Variants in ERBB4 observed in about 807,000 individuals in gnomAD.
ERBB4 encodes erb-b2 receptor tyrosine kinase 4.
Under a neutral mutation model 158.0 loss-of-function variants are expected in ERBB4, and 42 were observed. The observed-to-expected ratio is 0.27, with a 90% CI of 0.21 to 0.34. The LOEUF (loss-of-function observed/expected upper bound fraction) is 0.34, where lower values mean the gene tolerates loss of function less well. Ranked by LOEUF, ERBB4 falls within the 10% of genes least tolerant of loss-of-function variation. The pLI, the probability that ERBB4 is intolerant of heterozygous loss-of-function variation, is 1.00. For synonymous variants in ERBB4, 583 were observed against 558.7 expected (o/e 1.04, Z -0.61); for missense variants, 1,333 against 1,624.1 (o/e 0.82, Z 3.08).
At chr2:211,679,844 T>A (rs1375468999) in intron 12 of ERBB4, among the ~76,000 whole-genome samples, 1 of 152,120 alleles carries the variant, frequency 6.6e-6, no homozygotes, top group Non-Finnish European at 1.5e-5. Flanking sequence ...CACGCCCAGA[T>A]AATTTTTGTA....
intron 20 of ERBB4, among the ~76,000 whole-genome samples, chr2:211,442,618 ATG>A (rs1215031808): frequency 6.7e-6 from 1 of 148,262 alleles, no homozygotes; most frequent in Non-Finnish European, 1.5e-5. Flanking sequence ...CAAAATATAT[ATG>A]TGTGTATACA....
chr2:211,605,680 T>C (rs2068955617), intron 19 of ERBB4, among the ~76,000 whole-genome samples: 2 of 152,132 alleles, frequency 1.3e-5, no homozygotes, highest in South Asian at 2.1e-4. Flanking sequence ...ACAGATAATA[T>C]GTATTTTCAT....
intron 19 of ERBB4, among the ~76,000 whole-genome samples, chr2:211,589,524 A>G (rs1344983679): frequency 1.3e-5 from 2 of 152,192 alleles, no homozygotes; most frequent in Non-Finnish European, 2.9e-5. Context: ...CTTAGCCATC[A>G]GTCTCTTCTT....
intron 1 of ERBB4, among the ~76,000 whole-genome samples, chr2:212,166,752 C>G (rs1026948421): frequency 1.3e-5 from 2 of 151,940 alleles, no homozygotes; most frequent in Non-Finnish European, 2.9e-5. Flanking sequence ...ACATATAGAC[C>G]AATGGAGCAG....
chr2:211,442,874 A>G (rs1451300540), intron 20 of ERBB4, among the ~76,000 whole-genome samples: 2 of 152,046 alleles, frequency 1.3e-5, no homozygotes, highest in Non-Finnish European at 2.9e-5. Flanking sequence ...AGTCCGAAAA[A>G]TAAAGATTTT....
intron 25 of ERBB4, among the ~76,000 whole-genome samples, chr2:211,401,567 AAGAG>A (rs1195264348): frequency 6.6e-5 from 10 of 152,072 alleles, no homozygotes. Flanking sequence ...TTGACACACT[AAGAG>A]AGGCATGTAG....
intron 4 of ERBB4, among the ~76,000 whole-genome samples, chr2:211,775,495 T>C (rs145032265): frequency 5.3e-5 from 8 of 152,330 alleles, no homozygotes; most frequent in African/African-American, 1.4e-4. Flanking sequence ...ATAACATTTT[T>C]AGCAAGGTTT....
chr2:211,561,536 T>C (rs952022516), intron 20 of ERBB4, among the ~76,000 whole-genome samples: 2 of 152,230 alleles, frequency 1.3e-5, no homozygotes, highest in African/African-American at 4.8e-5. Context: ...AAAAATCATC[T>C]AAACATGAAC....
intron 3 of ERBB4, among the ~76,000 whole-genome samples, chr2:211,912,026 G>C (rs1022165770): frequency 6.6e-5 from 10 of 152,084 alleles, no homozygotes; most frequent in Non-Finnish European, 1.3e-4. Flanking sequence ...TTTTTCTAAA[G>C]AGGTTTTTGG....
intron 3 of ERBB4, among the ~76,000 whole-genome samples, chr2:211,941,073 C>A (rs1317401208): frequency 6.6e-6 from 1 of 152,064 alleles, no homozygotes; most frequent in African/African-American, 2.4e-5. Flanking sequence ...GCAAACAATA[C>A]TCTTTAAAAC....
chr2:211,602,180 G>A (rs1043341160), intron 19 of ERBB4, among the ~76,000 whole-genome samples: 2 of 152,020 alleles, frequency 1.3e-5, no homozygotes, highest in Admixed American at 1.3e-4. Flanking sequence ...CTAGTCACAG[G>A]CCCAGGACCT....
At chr2:212,537,005 G>C (rs1693110748) in intron 1 of ERBB4, among the ~76,000 whole-genome samples, 1 of 152,146 alleles carries the variant, frequency 6.6e-6, no homozygotes, top group Non-Finnish European at 1.5e-5. Context: ...CGCGGGACCT[G>C]GTATGCGTGA....
At chr2:212,149,000 C>T (rs1428949550) in intron 1 of ERBB4, among the ~76,000 whole-genome samples, 1 of 119,354 alleles carries the variant, frequency 8.4e-6, no homozygotes, top group Admixed American at 9.5e-5. Context: ...GAACATCACA[C>T]TCTGGGGACT....
intron 16 of ERBB4, among the ~76,000 whole-genome samples, chr2:211,637,397 G>A (rs1255918662): frequency 6.6e-6 from 1 of 151,642 alleles, no homozygotes; most frequent in African/African-American, 2.4e-5. Context: ...CATAGCAAAA[G>A]GTCTGTTTCC....
At chr2:211,628,728 C>T (rs1003595840) in intron 17 of ERBB4, among the ~76,000 whole-genome samples, 4 of 152,180 alleles carry the variant, frequency 2.6e-5, no homozygotes, top group South Asian at 2.1e-4. Context: ...AGTTCCAGAT[C>T]GCTGAGGAAT....
At chr2:212,520,584 C>T (rs1394869549) in intron 1 of ERBB4, among the ~76,000 whole-genome samples, 1 of 151,898 alleles carries the variant, frequency 6.6e-6, no homozygotes, top group Non-Finnish European at 1.5e-5. Context: ...AGCTTGTATA[C>T]AAAATTTCTA....
At chr2:212,350,746 TAAA>T (rs2089216372) in intron 1 of ERBB4, among the ~76,000 whole-genome samples, 1 of 151,944 alleles carries the variant, frequency 6.6e-6, no homozygotes, top group South Asian at 2.1e-4. Context: ...ATACACATCA[TAAA>T]GAAGCATATT....
chr2:212,394,604 C>T (rs950843517), intron 1 of ERBB4, among the ~76,000 whole-genome samples: 4 of 152,042 alleles, frequency 2.6e-5, no homozygotes, highest in African/African-American at 9.7e-5. Flanking sequence ...AAGATGTTTA[C>T]TACCCCTTCA....
intron 16 of ERBB4, 117 bp from the exon 17 acceptor site, chr2:211,630,711 A>G: frequency 2.1e-6 from 2 of 932,098 alleles, no homozygotes; most frequent in Non-Finnish European, 3.3e-6. Flanking sequence ...AGTCATTTAG[A>G]TGAAATGCAA....
Sources: gnomAD v4.1 joint callset for allele counts (sites outside exome capture counted in the v4.1 genomes callset) on GRCh38, gnomAD v4.1.1 for gene constraint, MANE v1.5 for transcripts, NCBI Gene and HGNC (gene_info 2026-07-23, HGNC 2026-07-21) for gene names.